The following SARM1 variants were observed in gnomAD, a reference collection of about 807,000 sequenced individuals.
The protein encoded by SARM1 is NAD(+) hydrolase SARM1.
Under a neutral mutation model 65.1 loss-of-function variants are expected in SARM1, and 60 were observed. The observed-to-expected ratio is 0.92, with a 90% CI of 0.75 to 1.14. The LOEUF is 1.14. SARM1 is among the 50% of genes most tolerant of loss of function. SARM1 has a pLI of 0.00. For missense variants in SARM1, 913 were observed against 1,015.7 expected, an observed-to-expected ratio of 0.90 and a Z score of 1.37; for synonymous variants, 417 against 465.4, an observed-to-expected ratio of 0.90 and a Z score of 1.34.
chr17:28,381,316 C>A lies in SARM1; in HGVS notation c.584C>A (p.Ser195Ter). Residue 195 changes from serine to a stop codon, truncating the protein, a stop_gained, in exon 2 of 9, where the codon TCG (serine) becomes TAG (stop). Transcript: ENST00000585482. LOFTEE classifies it high-confidence loss of function. ...AGILEHMFKH[S>*]EETCQRLVAA... ...ATCTTGGAGCACATGTTCAAGCATTCGGAGGAGACATGCCAGAGGCTGGTG... is the reference window on the plus strand; with the variant it reads ...ATCTTGGAGCACATGTTCAAGCATTAGGAGGAGACATGCCAGAGGCTGGTG... 6.2e-7 allele frequency: 1 copy of A among 1,601,434 alleles called. No homozygotes were observed. The highest frequency in any genetic ancestry group is 8.5e-7 in the Non-Finnish European group (1 of 1,174,788).
At chr17:28,394,031 G>A (rs912649804) in intron 7 of SARM1, among the ~76,000 whole-genome samples, 1 of 152,228 alleles carries the variant, frequency 6.6e-6, no homozygotes, top group African/African-American at 2.4e-5. Flanking sequence ...CTTATTTTGT[G>A]TGTCTGGGAG....
chr17:28,386,139 C>CA (rs1400001245), intron 5 of SARM1, among the ~76,000 whole-genome samples: 2 of 151,864 alleles, frequency 1.3e-5, no homozygotes, highest in African/African-American at 2.4e-5. Context: ...ACTAAAAGCA[C>CA]AAAAAAATAC....
At chr17:28,374,970 C>CAAAAAAAAAA (rs35032822) in intron 1 of SARM1, among the ~76,000 whole-genome samples, 4 of 70,444 alleles carry the variant, frequency 5.7e-5, no homozygotes, top group Non-Finnish European at 1.1e-4. Flanking sequence ...CAGACCTTGT[C>CAAAAAAAAAA]AAAAAAAAAA....
At chr17:28,380,057 C>CTTTTTTTTTT (rs61029083) in intron 1 of SARM1, among the ~76,000 whole-genome samples, 1 of 106,102 alleles carries the variant, frequency 9.4e-6, no homozygotes, top group Non-Finnish European at 1.8e-5. Flanking sequence ...TTTTTCTTTT[C>CTTTTTTTTTT]TTTTTTTTTT....
chr17:28,372,503 G>C lies in SARM1; in HGVS notation c.470+1G>C. On this transcript the variant is annotated splice_donor_variant, in intron 1 of 8. Coordinates refer to ENST00000585482, the MANE Select transcript of SARM1 (RefSeq NM_015077.4). LOFTEE classifies it high-confidence loss of function. The surrounding 1 kb of genome is among the most constrained non-coding windows in gnomAD (Gnocchi z 5.2). ...AGCAGATCCTGGTGGCTGAGAACCG[G>C]TGAGCGCGCCAGGCCGGGGTTGGGA... 1 of 1,526,926 alleles carries C rather than the reference G, an allele frequency of 6.5e-7. No individual in the cohort carries two copies. The highest frequency in any genetic ancestry group is 8.7e-7 in the Non-Finnish European group (1 of 1,143,856). The allele number at this position is 1,526,926 out of a possible 1,614,324, so 94.6% of individuals were successfully genotyped here. A position where few individuals can be genotyped will look rare whatever the true frequency, so the allele number is the denominator to read the frequency against.
At position 28,400,567 on chromosome 17, in the gene SARM1, G is replaced by A; in HGVS notation, c.*4281G>A. The A allele has an allele frequency of 6.2e-7, 1 of 1,608,268 alleles. No individual in the cohort carries two copies. Among genetic ancestry groups the A allele is most frequent in the Non-Finnish European group, 8.5e-7 (1 of 1,176,788 alleles). On this transcript the variant is annotated 3_prime_UTR_variant, in exon 9 of 9. Transcript: ENST00000585482. ...GGAGGAGAAGAGGAAACTTTTAAGAGAAAGGGCTCCATTATGAGCATGGGT... is the reference window on the plus strand; with the variant it reads ...GGAGGAGAAGAGGAAACTTTTAAGAAAAAGGGCTCCATTATGAGCATGGGT...
chr17:28,374,348 G>T (rs1264614842), intron 1 of SARM1: 6 of 150,092 alleles, frequency 4.0e-5, no homozygotes, highest in African/African-American at 7.4e-5. Flanking sequence ...AAGGCAGGCA[G>T]ATCACCTGAG....
Position 28,396,862 on chromosome 17 carries a change from G to C in SARM1, c.*576G>C, listed in dbSNP as rs1352922497. The C allele has an allele frequency of 1.3e-5, 2 of 152,846 alleles. No individual in the cohort carries two copies. The highest frequency in any genetic ancestry group is 3.8e-4 in the East Asian group (2 of 5,196). 9.5% of individuals were successfully genotyped at this position (152,846 alleles called of 1,614,324 possible). ...CCTTAGCTAGCCTGACTAAGTCCCA[G>C]ATCCCCTACAGCTTCCTTCGGTGTG... On this transcript the variant is annotated 3_prime_UTR_variant, in exon 9 of 9. Coordinates refer to ENST00000585482, the MANE Select transcript of SARM1 (RefSeq NM_015077.4).
rs2142460978 is a variant in SARM1 at position 28,403,059 on chromosome 17, C to T, written c.*6773C>T. 1 of 152,398 alleles carries T rather than the reference C, an allele frequency of 6.6e-6. No individual in the cohort carries two copies. Among genetic ancestry groups the T allele is most frequent in the East Asian group, 1.9e-4 (1 of 5,192 alleles). 9.4% of individuals were successfully genotyped at this position (152,398 alleles called of 1,614,324 possible). ...GAGACTGGTGATGGCCGCCCCAAGC[C>T]AAGGAATGCCAGCAGCCCCAGAAGC... On this transcript the variant is annotated 3_prime_UTR_variant, in exon 9 of 9. Transcript: ENST00000585482.
Position 28,396,212 on chromosome 17 carries a change from G to A in SARM1, c.2101G>A (p.Gly701Ser), listed in dbSNP as rs782530413. 1.2e-6 allele frequency: 2 copies of A among 1,613,928 alleles called. No individual in the cohort carries two copies. The highest frequency in any genetic ancestry group is 1.6e-4 in the Middle Eastern group (1 of 6,062). Residue 701 changes from glycine to serine, a missense_variant, in exon 9 of 9, where the codon GGC becomes AGC. Coordinates refer to ENST00000585482, the MANE Select transcript of SARM1 (RefSeq NM_015077.4). Reference protein sequence around the residue: ...TIEKIIRFLQGRSSRDSSAGS... With the variant: ...TIEKIIRFLQSRSSRDSSAGS... ...TGAGAAGATCATCCGCTTCCTGCAG[G>A]GCCGCTCCTCCCGGGACTCATCTGC...
chr17:28,372,010 A>G lies in SARM1; in HGVS notation c.-23A>G. On this transcript the variant is annotated 5_prime_UTR_variant, in exon 1 of 9. An upstream start codon of the reference 5' UTR is lost. Transcript: ENST00000585482. This position sits in a 1 kb window ranked among gnomAD's most constrained non-coding sequence, Gnocchi z 5.2. ...GCGTGGCCCCGCCTCCAGGCCGGGG[A>G]TGTCCCCCGCGGCCCCGCGCCCATG... 1.4e-6 allele frequency: 2 copies of G among 1,456,222 alleles called. No homozygotes were observed. The highest frequency in any genetic ancestry group is 2.5e-5 in the Admixed American group (1 of 40,570). The allele number at this position is 1,456,222 out of a possible 1,614,324, so 90.2% of individuals were successfully genotyped here.
chr17:28,400,340 A>T lies in SARM1; in HGVS notation c.*4054A>T, dbSNP rs1227313161. Reference sequence around the variant, plus strand: ...AGTTCCATCTATAAAATGGGAATGGAGGGAAATAGGGGAACTGGGAGAGAG... The same window carrying T: ...AGTTCCATCTATAAAATGGGAATGGTGGGAAATAGGGGAACTGGGAGAGAG... On this transcript the variant is annotated 3_prime_UTR_variant, in exon 9 of 9. Coordinates refer to ENST00000585482, the MANE Select transcript of SARM1 (RefSeq NM_015077.4). 2.2e-6 allele frequency: 1 copy of T among 455,806 alleles called. No individual in the cohort carries two copies. Among genetic ancestry groups the T allele is most frequent in the Non-Finnish European group, 4.0e-6 (1 of 248,654 alleles). The allele number at this position is 455,806 out of a possible 1,614,324, so 28.2% of individuals were successfully genotyped here. A position where few individuals can be genotyped will look rare whatever the true frequency, so the allele number is the denominator to read the frequency against.
Position 28,385,037 on chromosome 17 carries a change from C to A in SARM1, c.1395-3C>A. On this transcript the variant is annotated splice_polypyrimidine_tract_variant and splice_region_variant and intron_variant, in intron 4 of 8. Coordinates refer to ENST00000585482, the MANE Select transcript of SARM1 (RefSeq NM_015077.4). The surrounding 1 kb of genome is among the most constrained non-coding windows in gnomAD (Gnocchi z 4.5). The stretch of plus-strand genomic sequence containing the variant: ...TCAGCGTCTTCTCCTCCGTGGGGTG[C>A]AGGTTCTTTAGGGAGCTCACGGAGC... 6.2e-7 allele frequency: 1 copy of A among 1,612,670 alleles called. No individual in the cohort carries two copies. The highest frequency in any genetic ancestry group is 1.7e-4 in the Middle Eastern group (1 of 6,058).
chr17:28,399,541 C>G lies in SARM1; in HGVS notation c.*3255C>G. 1 of 1,059,804 alleles carries G rather than the reference C, an allele frequency of 9.4e-7. No homozygotes were observed. The highest frequency in any genetic ancestry group is 1.4e-5 in the South Asian group (1 of 72,006). 65.7% of individuals were successfully genotyped at this position (1,059,804 alleles called of 1,614,324 possible). A position where few individuals can be genotyped will look rare whatever the true frequency, so the allele number is the denominator to read the frequency against. On this transcript the variant is annotated 3_prime_UTR_variant, in exon 9 of 9. Coordinates refer to ENST00000585482, the MANE Select transcript of SARM1 (RefSeq NM_015077.4). ...TTGACTACCTCGTCCAAAGAGAGCA[C>G]TGCCCTTAGACAAGAGTTGCTTGTC...
At chr17:28,393,935 G>A (rs1296579062) in intron 7 of SARM1, among the ~76,000 whole-genome samples, 1 of 152,224 alleles carries the variant, frequency 6.6e-6, no homozygotes, top group East Asian at 1.9e-4. Context: ...GGTCAGGGCA[G>A]TGGGAGACAA....
intron 5 of SARM1, among the ~76,000 whole-genome samples, chr17:28,387,251 T>C (rs1316674487): frequency 2.0e-5 from 3 of 151,380 alleles, no homozygotes; most frequent in East Asian, 1.9e-4. Context: ...TTTTTTTTTT[T>C]AGTCAGAGTC....
intron 1 of SARM1, among the ~76,000 whole-genome samples, chr17:28,379,697 T>G (rs187232943): frequency 6.6e-6 from 1 of 152,300 alleles, no homozygotes; most frequent in Admixed American, 6.5e-5. Context: ...ATATCAGATA[T>G]TAAATGCCCT....
intron 1 of SARM1, among the ~76,000 whole-genome samples, chr17:28,380,255 C>T (rs782776657): frequency 6.6e-6 from 1 of 151,900 alleles, no homozygotes; most frequent in Non-Finnish European, 1.5e-5. Flanking sequence ...TTTTAGACAT[C>T]GCAATACCTC....
chr17:28,377,303 A>C (rs969354311), intron 1 of SARM1, among the ~76,000 whole-genome samples: 1 of 152,008 alleles, frequency 6.6e-6, no homozygotes, highest in Non-Finnish European at 1.5e-5. Context: ...TAAAAGGAAT[A>C]ACTGGGCCAG....
Sources: gnomAD v4.1 joint callset for allele counts (sites outside exome capture counted in the v4.1 genomes callset) on GRCh38, gnomAD v4.1.1 for gene constraint, Gnocchi (gnomAD v3.1) non-coding constraint, MANE v1.5 for transcripts, NCBI Gene and HGNC (gene_info 2026-07-23, HGNC 2026-07-21) for gene names.